CLTRN: variants seen among roughly 807,000 people sequenced by gnomAD.
The protein encoded by CLTRN is collectrin, amino acid transport regulator.
A neutral mutation model predicts 14.5 loss-of-function variants in CLTRN; 12 were observed. The ratio of observed to expected loss-of-function variants is 0.83; its 90% CI spans 0.53 to 1.34. The LOEUF (loss-of-function observed/expected upper bound fraction) is 1.34, where lower values mean the gene tolerates loss of function less well. CLTRN is among the 40% of genes most tolerant of loss of function. The pLI, the probability that CLTRN is intolerant of heterozygous loss-of-function variation, is 0.00. For missense variants in CLTRN, 154 were observed against 165.1 expected (o/e 0.93, Z 0.37); for synonymous variants, 58 against 56.5 (o/e 1.03, Z -0.12).
intron 1 of CLTRN, among the ~76,000 whole-genome samples, chrX:15,670,877 CAAGTGTGTGT>C (rs949972185): frequency 6.5e-5 from 5 of 76,734 alleles, no homozygotes; most frequent in Non-Finnish European, 7.4e-5. Flanking sequence ...AAAAGGGAGA[CAAGTGTGTGT>C]GTGTGTGTGT....
intron 3 of CLTRN, among the ~76,000 whole-genome samples, chrX:15,648,917 T>C (rs181915311): frequency 8.0e-5 from 9 of 111,886 alleles, no homozygotes; most frequent in African/African-American, 2.9e-4. Flanking sequence ...AAATACCAAA[T>C]AGAATTTCAG....
chrX:15,642,216 G>A (rs950795193), intron 4 of CLTRN, among the ~76,000 whole-genome samples: 1 of 111,861 alleles, frequency 8.9e-6, no homozygotes, highest in Non-Finnish European at 1.9e-5. Flanking sequence ...CTCACAGACT[G>A]ACTGGAAGTT....
intron 2 of CLTRN, among the ~76,000 whole-genome samples, chrX:15,662,234 G>C (rs1232502869): frequency 9.2e-6 from 1 of 108,852 alleles, no homozygotes; most frequent in Non-Finnish European, 1.9e-5. Flanking sequence ...CTCACTAAAT[G>C]GTTTTGCTTC....
chrX:15,655,917 A>G (rs1929347690), intron 3 of CLTRN, among the ~76,000 whole-genome samples: 2 of 111,892 alleles, frequency 1.8e-5, no homozygotes, highest in South Asian at 3.8e-4. Flanking sequence ...AAACAAGAAT[A>G]TCACTCCAAC....
At chrX:15,637,303 C>G (rs190543085) in intron 5 of CLTRN, among the ~76,000 whole-genome samples, 4 of 111,704 alleles carry the variant, frequency 3.6e-5, no homozygotes, top group African/African-American at 1.3e-4. Context: ...AAAGGGCTTT[C>G]ATTGCAATTT....
chrX:15,652,480 A>AG (rs1265075261), intron 3 of CLTRN, among the ~76,000 whole-genome samples: 1 of 110,789 alleles, frequency 9.0e-6, no homozygotes, highest in African/African-American at 3.3e-5. Flanking sequence ...ACAAAAAAAA[A>AG]AAAAAGGCAG....
intron 3 of CLTRN, among the ~76,000 whole-genome samples, chrX:15,656,599 C>T (rs1301735810): frequency 1.8e-5 from 2 of 110,880 alleles, no homozygotes; most frequent in East Asian, 2.8e-4. Flanking sequence ...AAGGCGGCTA[C>T]TGGTATCTTC....
At chrX:15,630,243 T>G (rs1453436986) in intron 5 of CLTRN, among the ~76,000 whole-genome samples, 1 of 111,262 alleles carries the variant, frequency 9.0e-6, no homozygotes, top group Non-Finnish European at 1.9e-5. Flanking sequence ...GATGGATAGA[T>G]GGACAGAAGA....
intron 3 of CLTRN, chrX:15,646,865 T>C (rs1049666495): frequency 1.7e-5 from 5 of 302,759 alleles, no homozygotes; most frequent in Non-Finnish European, 3.2e-5. Context: ...GGGAGCCCGA[T>C]GCCCAGGCCA....
chrX:15,644,394 C>T (rs1057006703), intron 4 of CLTRN, among the ~76,000 whole-genome samples: 2 of 111,557 alleles, frequency 1.8e-5, no homozygotes, highest in Non-Finnish European at 3.8e-5. Context: ...ATGCATTTTG[C>T]CATTCCTCAC....
chrX:15,664,425 A>G (rs1188329674), intron 1 of CLTRN, 30 bp from the exon 2 acceptor site: 1 of 1,131,628 alleles, frequency 8.8e-7, no homozygotes, highest in Non-Finnish European at 1.2e-6. Flanking sequence ...AAAGAGCAGT[A>G]TATGATGATT....
At chrX:15,675,388 A>C (rs1201562684), upstream of CLTRN, among the ~76,000 whole-genome samples, 1 of 109,947 alleles carries the variant, frequency 9.1e-6, no homozygotes, top group Non-Finnish European at 1.9e-5. Flanking sequence ...AAGTAGGGAC[A>C]TGACGTAGTT....
intron 3 of CLTRN, among the ~76,000 whole-genome samples, chrX:15,652,375 G>C (rs144194786): frequency 0.051 from 5,561 of 109,409 alleles, 334 homozygotes; most frequent in African/African-American, 0.17. Context: ...GTTGTTGTTA[G>C]AGCAACTCAG....
chrX:15,655,390 T>A (rs1377512819), intron 3 of CLTRN, among the ~76,000 whole-genome samples: 1 of 112,063 alleles, frequency 8.9e-6, no homozygotes, highest in Non-Finnish European at 1.9e-5. Context: ...TCCAGGGACC[T>A]CTGCACTGCA....
At chrX:15,651,715 A>C (rs1929221398) in intron 3 of CLTRN, among the ~76,000 whole-genome samples, 1 of 111,373 alleles carries the variant, frequency 9.0e-6, no homozygotes, top group Non-Finnish European at 1.9e-5. Context: ...GTAAGCCCCC[A>C]TATTCCTGAA....
chrX:15,671,476 G>C (rs1929716328), intron 1 of CLTRN, among the ~76,000 whole-genome samples: 1 of 111,992 alleles, frequency 8.9e-6, no homozygotes, highest in Non-Finnish European at 1.9e-5. Context: ...GAGAGCATCA[G>C]TGTAGATGCA....
intron 3 of CLTRN, among the ~76,000 whole-genome samples, chrX:15,647,449 T>G (rs1452342597): frequency 9.1e-6 from 1 of 109,329 alleles, no homozygotes; most frequent in Non-Finnish European, 1.9e-5. Flanking sequence ...TCATAGAGAT[T>G]GTCATATTCT....
chrX:15,669,701 C>T (rs1929681694), upstream of CLTRN, among the ~76,000 whole-genome samples: 2 of 111,773 alleles, frequency 1.8e-5, no homozygotes, highest in South Asian at 3.7e-4. Flanking sequence ...AATACGTGGG[C>T]GTATGTAGGC....
intron 2 of CLTRN, among the ~76,000 whole-genome samples, chrX:15,664,004 C>T (rs775968038): frequency 3.6e-5 from 4 of 111,741 alleles, no homozygotes; most frequent in Non-Finnish European, 7.5e-5. Context: ...ATGACCACAA[C>T]GGTGAGGAGT....
Sources: gnomAD v4.1 joint callset for allele counts (sites outside exome capture counted in the v4.1 genomes callset) on GRCh38, gnomAD v4.1.1 for gene constraint, MANE v1.5 for transcripts, NCBI Gene and HGNC (gene_info 2026-07-23, HGNC 2026-07-21) for gene names.